Variants in FLNB observed in about 807,000 individuals in gnomAD.
FLNB encodes filamin B, also known as filamin-B.
Under a neutral mutation model 250.6 loss-of-function variants are expected in FLNB, and 111 were observed. The ratio of observed to expected loss-of-function variants is 0.44; its 90% confidence interval spans 0.38 to 0.52. FLNB has a LOEUF of 0.52. FLNB is among the 20% of genes least tolerant of loss of function. The probability of loss-of-function intolerance (pLI) is 0.00; values close to 1 mark genes in which losing one functional copy is unlikely to be tolerated. For synonymous variants in FLNB, 1,302 were observed against 1,372.1 expected, an observed-to-expected ratio of 0.95 and a Z score of 1.13; for missense variants, 2,869 against 3,447.8, an observed-to-expected ratio of 0.83 and a Z score of 4.20.
intron 1 of FLNB, among the ~76,000 whole-genome samples, chr3:58,050,488 C>G (rs1457107277): frequency 6.6e-6 from 1 of 152,114 alleles, no homozygotes; most frequent in Non-Finnish European, 1.5e-5. Flanking sequence ...GGTTCCAGGG[C>G]TGGGTGGGCA....
At chr3:58,087,299 G>A (rs1284106997) in intron 4 of FLNB, among the ~76,000 whole-genome samples, 2 of 152,116 alleles carry the variant, frequency 1.3e-5, no homozygotes, top group African/African-American at 4.8e-5. Context: ...CATAGTGATT[G>A]TGGATAAAAA....
intron 42 of FLNB, 172 bp from the exon 43 acceptor site, chr3:58,162,982 A>C: frequency 1.5e-6 from 1 of 685,630 alleles, no homozygotes; most frequent in Non-Finnish European, 2.6e-6. Context: ...CTGATGAGGG[A>C]TACCCAGGGG....
chr3:58,069,326 G>A (rs754709735), intron 1 of FLNB, among the ~76,000 whole-genome samples: 36 of 142,208 alleles, frequency 2.5e-4, no homozygotes, highest in Non-Finnish European at 4.0e-4. Flanking sequence ...TGAGACCTCC[G>A]TCTCCCAGGT....
chr3:58,115,614 G>A (rs879678021), intron 18 of FLNB, among the ~76,000 whole-genome samples: 2 of 152,156 alleles, frequency 1.3e-5, no homozygotes, highest in Non-Finnish European at 1.5e-5. Flanking sequence ...TCACCCCAAG[G>A]TCACATTCAT....
intron 1 of FLNB, among the ~76,000 whole-genome samples, chr3:58,017,465 C>T (rs2097107381): frequency 6.6e-6 from 1 of 152,144 alleles, no homozygotes; most frequent in African/African-American, 2.4e-5. Context: ...GTTGGTCAGG[C>T]TGGTCTCGAA....
At chr3:58,119,419 C>A (rs774396080) in intron 19 of FLNB, among the ~76,000 whole-genome samples, 1 of 152,194 alleles carries the variant, frequency 6.6e-6, no homozygotes, top group Non-Finnish European at 1.5e-5. Context: ...ACTAAGGTTG[C>A]GAGTCAAGCA....
At chr3:58,087,339 A>T (rs143437465) in intron 4 of FLNB, among the ~76,000 whole-genome samples, 109 of 152,350 alleles carry the variant, frequency 7.2e-4, no homozygotes, top group African/African-American at 2.5e-3. Flanking sequence ...TGTCAAAATA[A>T]TACAGGAAGG....
chr3:58,061,572 C>T (rs779207795), intron 1 of FLNB, among the ~76,000 whole-genome samples: 6 of 151,432 alleles, frequency 4.0e-5, no homozygotes, highest in African/African-American at 9.7e-5. Flanking sequence ...ACAAAAATTA[C>T]GAAAATTAGC....
chr3:58,078,873 G>T, intron 3 of FLNB, 59 bp downstream of exon 3: 3 of 1,361,282 alleles, frequency 2.2e-6, no homozygotes, highest in Non-Finnish European at 2.1e-6. Flanking sequence ...TTGTTCTGTG[G>T]ATGCCTTCCC....
chr3:58,073,370 A>G (rs1368797188), intron 1 of FLNB, among the ~76,000 whole-genome samples: 1 of 152,136 alleles, frequency 6.6e-6, no homozygotes, highest in Non-Finnish European at 1.5e-5. Context: ...AAGGACTTCC[A>G]GCTCAGGAAA....
At chr3:58,107,146 T>C (rs2097261046) in intron 12 of FLNB, among the ~76,000 whole-genome samples, 1 of 152,134 alleles carries the variant, frequency 6.6e-6, no homozygotes, top group Non-Finnish European at 1.5e-5. Flanking sequence ...TCTCGTGCCT[T>C]AGCCTCCCAA....
intron 1 of FLNB, among the ~76,000 whole-genome samples, chr3:58,025,113 C>G (rs192686936): frequency 9.8e-6 from 1 of 102,550 alleles, no homozygotes; most frequent in Non-Finnish European, 1.9e-5. Flanking sequence ...TTTCTTTTTT[C>G]TTTTCTTCTT....
intron 1 of FLNB, among the ~76,000 whole-genome samples, chr3:58,033,478 T>C (rs1174473846): frequency 6.6e-6 from 1 of 151,010 alleles, no homozygotes; most frequent in Admixed American, 6.6e-5. Context: ...ACAACCTCCA[T>C]CTCCCCAGAT....
chr3:58,136,840 C>T (rs1416583790), intron 28 of FLNB, among the ~76,000 whole-genome samples: 1 of 147,220 alleles, frequency 6.8e-6, no homozygotes, highest in Non-Finnish European at 1.5e-5. Context: ...CAGCCTCAGC[C>T]TCCTGAGTAG....
Position 58,110,109 on chromosome 3 carries a change from C to T in FLNB, c.2423C>T (p.Thr808Ile), listed in dbSNP as rs1559699970. 3.1e-6 allele frequency: 5 copies of T among 1,614,156 alleles called. No homozygotes were observed. The South Asian group carries it at 3.3e-5, about 11-fold the overall frequency. ...ATTCACAATGCCAATGATACGTTCACAGTCAAATATGTGCCTCCTGCTGCT... is the reference window on the plus strand; with the variant it reads ...ATTCACAATGCCAATGATACGTTCATAGTCAAATATGTGCCTCCTGCTGCT... ...DIIHNANDTFTVKYVPPAAGR... is the reference protein window; with the variant it reads ...DIIHNANDTFIVKYVPPAAGR... The change falls in exon 16 of 46, where the codon ACA (threonine) becomes ATA (isoleucine). Residue 808 changes from threonine to isoleucine, a missense_variant. Coordinates refer to ENST00000295956, the MANE Select transcript of FLNB (RefSeq NM_001457.4).
intron 28 of FLNB, 27 bp from the exon 29 acceptor site, chr3:58,138,255 A>G: frequency 6.2e-7 from 1 of 1,612,734 alleles, no homozygotes; most frequent in Non-Finnish European, 8.5e-7. Context: ...CCATACTTCC[A>G]TTCTCTTCCC....
rs114862816 is a variant in FLNB at position 58,052,944 on chromosome 3, G to T, written c.293-24102G>T. Among the ~76,000 whole-genome samples the T allele has an allele frequency of 9.6e-3, 1,466 of 152,282 alleles. 15 individuals carry two copies. Among genetic ancestry groups the T allele is most frequent in the South Asian group, 0.034 (165 of 4,826 alleles). ...GCCTCCTCCATTTTGTGTGTACATGGGGGTATTTTTTTCTGCTAGGCAACT... is the reference window on the plus strand; with the variant it reads ...GCCTCCTCCATTTTGTGTGTACATGTGGGTATTTTTTTCTGCTAGGCAACT... On this transcript the variant is annotated intron_variant, in intron 1 of 45. Coordinates refer to ENST00000295956, the MANE Select transcript of FLNB (RefSeq NM_001457.4).
At chr3:58,101,255 C>T (rs1367896140) in intron 8 of FLNB, among the ~76,000 whole-genome samples, 1 of 152,144 alleles carries the variant, frequency 6.6e-6, no homozygotes, top group Non-Finnish European at 1.5e-5. Flanking sequence ...AGTAGAGTCC[C>T]GTCTTCTGGA....
intron 25 of FLNB, among the ~76,000 whole-genome samples, chr3:58,131,269 A>G (rs1283944888): frequency 6.6e-6 from 1 of 152,184 alleles, no homozygotes; most frequent in Non-Finnish European, 1.5e-5. Context: ...GTGATAACTC[A>G]TTGAGATATC....
Sources: allele counts gnomAD v4.1 joint callset (sites outside exome capture counted in the v4.1 genomes callset), GRCh38; gene constraint gnomAD v4.1.1; transcripts MANE v1.5; gene names NCBI Gene and HGNC (gene_info 2026-07-23, HGNC 2026-07-21).